The following KCNU1 variants were observed in gnomAD, a reference collection of about 807,000 sequenced individuals.
KCNU1 encodes potassium channel subfamily U member 1.
A neutral mutation model predicts 126.8 loss-of-function variants in KCNU1; 93 were observed. The observed-to-expected ratio is 0.73, with a 90% confidence interval of 0.62 to 0.87. KCNU1 has a LOEUF of 0.87. Ranked by LOEUF, KCNU1 falls within the 40% of genes least tolerant of loss-of-function variation. The pLI, the probability that KCNU1 is intolerant of heterozygous loss-of-function variation, is 0.00. For synonymous variants in KCNU1, 523 were observed against 494.2 expected (o/e 1.06, Z -0.77); for missense variants, 1,330 against 1,367.1 (o/e 0.97, Z 0.43).
intron 10 of KCNU1, among the ~76,000 whole-genome samples, chr8:36,821,402 G>T (rs954697788): frequency 6.6e-6 from 1 of 152,148 alleles, no homozygotes; most frequent in Admixed American, 6.6e-5. Context: ...TCCTATCCCT[G>T]TTGGTGTCAT....
At chr8:36,906,009 T>C (rs1351844535) in intron 20 of KCNU1, among the ~76,000 whole-genome samples, 2 of 152,126 alleles carry the variant, frequency 1.3e-5, no homozygotes, top group Non-Finnish European at 2.9e-5. Flanking sequence ...ACATGAGTAA[T>C]ATGCTGGAAT....
intron 18 of KCNU1, among the ~76,000 whole-genome samples, chr8:36,852,524 A>T (rs1201663333): frequency 6.6e-6 from 1 of 152,042 alleles, no homozygotes; most frequent in East Asian, 1.9e-4. Flanking sequence ...TTATTAATCA[A>T]CCTCTTTACA....
In KCNU1 at chr8:36,864,464, A is replaced by G. The variant is rs370882527; in HGVS notation, c.1952A>G (p.Gln651Arg). Residue 651 changes from glutamine (Q) to arginine (R), a missense_variant, in exon 19 of 27, where the codon CAG (glutamine) becomes CGG (arginine). By Grantham distance (43) the Gln-to-Arg change is conservative. Transcript: ENST00000399881. Reference sequence around the variant, plus strand: ...GGAATCTCCTCTCGTATATCAGGGCAGGATTCTCCGCCAAGGGTATCTGCA... The same window carrying G: ...GGAATCTCCTCTCGTATATCAGGGCGGGATTCTCCGCCAAGGGTATCTGCA... ...LKGISSRISG[Q>R]DSPPRVSAST... is the part of the protein sequence containing the mutation. 1 of 1,613,314 alleles carries G rather than the reference A, an allele frequency of 6.2e-7. No homozygotes were observed. The highest frequency in any genetic ancestry group is 1.1e-5 in the South Asian group (1 of 91,066).
chr8:36,860,093 T>A (rs1563300288), intron 18 of KCNU1, among the ~76,000 whole-genome samples: 1 of 151,918 alleles, frequency 6.6e-6, no homozygotes, highest in Admixed American at 6.6e-5. Flanking sequence ...TTTTTTTAAA[T>A]TTGAGATGGA....
chr8:36,846,788 G>GGAA (rs1554506969), intron 18 of KCNU1, among the ~76,000 whole-genome samples: 34 of 110,256 alleles, frequency 3.1e-4, no homozygotes, highest in Middle Eastern at 5.8e-3. Flanking sequence ...GCGACAGAGC[G>GGAA]AAAAAAAAAA....
At chr8:36,895,166 C>A (rs1807135661) in intron 19 of KCNU1, among the ~76,000 whole-genome samples, 2 of 151,652 alleles carry the variant, frequency 1.3e-5, no homozygotes, top group Admixed American at 1.3e-4. Flanking sequence ...CAGCTCACTG[C>A]CCCCCCAGTT....
chr8:36,816,361 T>C (rs1044208372), intron 9 of KCNU1, among the ~76,000 whole-genome samples: 42 of 151,938 alleles, frequency 2.8e-4, no homozygotes, highest in African/African-American at 9.9e-4. Context: ...AAGAATGAAA[T>C]GGAGATCTTA....
intron 14 of KCNU1, among the ~76,000 whole-genome samples, chr8:36,837,969 G>A (rs1804815758): frequency 6.6e-6 from 1 of 151,886 alleles, no homozygotes. Context: ...TTCTTCCCTG[G>A]TGCTATTTAA....
rs1006596769 is a variant in KCNU1 at position 36,914,272 on chromosome 8, A to G, written c.2521+3153A>G. 2.1e-4 allele frequency among the ~76,000 whole-genome samples: 32 copies of G among 152,332 alleles called. 1 individual carries two copies. Among genetic ancestry groups the G allele is most frequent in the African/African-American group, 7.7e-4 (32 of 41,592 alleles). ...CTAGGGGATAGAGTGGTTCTCAACC[A>G]GTGGCAATTTATCTCCTGAGGTCAC... On this transcript the variant is annotated intron_variant, in intron 22 of 26. Coordinates refer to ENST00000399881, the MANE Select transcript of KCNU1 (RefSeq NM_001031836.3).
intron 18 of KCNU1, among the ~76,000 whole-genome samples, chr8:36,847,379 C>A (rs187158067): frequency 1.6e-3 from 240 of 152,210 alleles, no homozygotes; most frequent in Non-Finnish European, 2.7e-3. Flanking sequence ...ATTCAAAATC[C>A]TCCCTTTTAG....
rs1447871295 is a variant in KCNU1, at chr8:36,922,638, A to G, written c.2736+9A>G. The G allele has an allele frequency of 6.2e-7, 1 of 1,611,594 alleles. No individual in the cohort carries two copies. The highest frequency in any genetic ancestry group is 2.2e-5 in the East Asian group (1 of 44,808). On this transcript the variant is annotated intron_variant, in intron 24 of 26. Coordinates refer to ENST00000399881, the MANE Select transcript of KCNU1 (RefSeq NM_001031836.3). Reference sequence around the variant, plus strand: ...ATTCTCTGCTGGCCACGGTAAGAAAAGCTAAGCCATGGAGCCCCCAAAACC... The same window carrying G: ...ATTCTCTGCTGGCCACGGTAAGAAAGGCTAAGCCATGGAGCCCCCAAAACC...
chr8:36,879,238 T>TAC lies in KCNU1; in HGVS notation c.2009+14725_2009+14726dup, dbSNP rs1554511868. On this transcript the variant is annotated intron_variant, in intron 19 of 26. Transcript: ENST00000399881. Reference sequence around the variant, plus strand: ...ATATATATATATATATATATATATATACACACACATATATGAAATATATGA... The same window carrying TAC: ...ATATATATATATATATATATATATATACACACACACATATATGAAATATATGA... 6.3e-3 allele frequency among the ~76,000 whole-genome samples: 884 copies of TAC among 139,326 alleles called. 12 individuals are homozygous for TAC. Among genetic ancestry groups the TAC allele is most frequent in the South Asian group, 0.022 (94 of 4,316 alleles). 91.4% of individuals were successfully genotyped at this position (139,326 alleles called of 152,430 possible). A position where few individuals can be genotyped will look rare whatever the true frequency, so the allele number is the denominator to read the frequency against.
chr8:36,860,219 A>G (rs1805680268), intron 18 of KCNU1, among the ~76,000 whole-genome samples: 1 of 152,104 alleles, frequency 6.6e-6, no homozygotes. Context: ...CTGGGACTAC[A>G]GGTACCCGCC....
chr8:36,787,421 T>A lies in KCNU1; in HGVS notation c.311T>A (p.Val104Glu). 1 of 1,607,438 alleles carries A rather than the reference T, an allele frequency of 6.2e-7. No individual in the cohort carries two copies. The highest frequency in any genetic ancestry group is 8.5e-7 in the Non-Finnish European group (1 of 1,176,584). Reference protein sequence around the residue: ...LLSAQTFVGQVLVILVFVLSI... With the variant: ...LLSAQTFVGQELVILVFVLSI... ...TCAGCCCAGACCTTTGTGGGGCAAG[T>A]GTTGGTAAGTACATTTTCAGTGTTA... The change falls in exon 2 of 27, where the codon GTG (valine) becomes GAG (glutamate). Residue 104 changes from valine to glutamate, a missense_variant. Physicochemically the swap from Val to Glu is moderately radical, Grantham distance 121. Transcript: ENST00000399881.
chr8:36,871,028 G>A (rs1806082875), intron 19 of KCNU1, among the ~76,000 whole-genome samples: 1 of 152,074 alleles, frequency 6.6e-6, no homozygotes, highest in South Asian at 2.1e-4. Flanking sequence ...AGAATCCCTA[G>A]CAGGGCTATG....
intron 19 of KCNU1, among the ~76,000 whole-genome samples, chr8:36,869,766 T>C (rs1352993702): frequency 6.6e-6 from 1 of 152,174 alleles, no homozygotes; most frequent in African/African-American, 2.4e-5. Flanking sequence ...ATAGTGAAAA[T>C]ACAGCAAGTG....
intron 14 of KCNU1, among the ~76,000 whole-genome samples, chr8:36,838,933 T>C (rs1804853396): frequency 6.6e-6 from 1 of 152,212 alleles, no homozygotes; most frequent in African/African-American, 2.4e-5. Flanking sequence ...TTCAATTCTA[T>C]AACAAACTAT....
chr8:36,888,380 C>CGT, intron 19 of KCNU1: 1 of 355,330 alleles, frequency 2.8e-6, no homozygotes, highest in South Asian at 2.2e-5. Flanking sequence ...CTTTTCCTGC[C>CGT]ACTCCTCCCT....
At chr8:36,846,573 G>A (rs899473627) in intron 18 of KCNU1, among the ~76,000 whole-genome samples, 2 of 152,110 alleles carry the variant, frequency 1.3e-5, no homozygotes, top group African/African-American at 2.4e-5. Flanking sequence ...GGAGGCCAAG[G>A]GGGGTGGATC....
Sources: gnomAD v4.1 joint callset for allele counts (sites outside exome capture counted in the v4.1 genomes callset) on GRCh38, gnomAD v4.1.1 for gene constraint, MANE v1.5 for transcripts, NCBI Gene and HGNC (gene_info 2026-07-23, HGNC 2026-07-21) for gene names.